The following PARD3B variants were observed in gnomAD, a reference collection of about 807,000 sequenced individuals.
PARD3B encodes par-3 family cell polarity regulator beta.
A neutral mutation model predicts 130.2 loss-of-function variants in PARD3B; 103 were observed. The ratio of observed to expected loss-of-function variants is 0.79; its 90% CI spans 0.67 to 0.93. The LOEUF is 0.93. PARD3B is among the 40% of genes least tolerant of loss of function. The pLI is 0.00. For missense variants in PARD3B, 1,609 were observed against 1,499.2 expected, an observed-to-expected ratio of 1.07 and a Z score of -1.21; for synonymous variants, 583 against 553.2, an observed-to-expected ratio of 1.05 and a Z score of -0.76.
rs186170426 is a variant in PARD3B at position 204,622,680 on chromosome 2, A to G, written c.121-63501A>G. 1.7e-3 allele frequency among the ~76,000 whole-genome samples: 258 copies of G among 152,218 alleles called. 1 individual carries two copies. Among genetic ancestry groups the G allele is most frequent in the African/African-American group, 5.9e-3 (246 of 41,548 alleles). ...TGCTATTATTATTTTTATGGATGAT[A>G]AAACAGTCATAAGAGGGTAAGTAAC... On this transcript the variant is annotated intron_variant, in intron 1 of 22. Coordinates refer to ENST00000406610, the MANE Select transcript of PARD3B (RefSeq NM_001302769.2).
chr2:204,562,116 A>G (rs906813789), intron 1 of PARD3B, among the ~76,000 whole-genome samples: 4 of 152,280 alleles, frequency 2.6e-5, no homozygotes, highest in South Asian at 4.2e-4. Context: ...AAGTTTCAGG[A>G]GAGTACTTAC....
chr2:205,207,718 G>A (rs1468384332), intron 15 of PARD3B, among the ~76,000 whole-genome samples: 23 of 132,786 alleles, frequency 1.7e-4, no homozygotes, highest in African/African-American at 5.2e-4. Context: ...AAATTGTGGC[G>A]ATAATCAATA....
intron 16 of PARD3B, among the ~76,000 whole-genome samples, chr2:205,279,667 T>G (rs566232775): frequency 1.3e-5 from 2 of 152,246 alleles, no homozygotes; most frequent in South Asian, 4.2e-4. Context: ...TTCTTCTGAG[T>G]CACGTCATGG....
chr2:205,562,398 A>G lies in PARD3B; in HGVS notation c.3260+8995A>G, dbSNP rs1385396372. On this transcript the variant is annotated intron_variant, in intron 22 of 22. Coordinates refer to ENST00000406610, the MANE Select transcript of PARD3B (RefSeq NM_001302769.2). This position sits in a 1 kb window ranked among gnomAD's most constrained non-coding sequence, Gnocchi z 5.4. Reference sequence around the variant, plus strand: ...TGATGAACCACATACATTAAATTCTATAGGTTTTTTACTTTTTCCCTCATT... The same window carrying G: ...TGATGAACCACATACATTAAATTCTGTAGGTTTTTTACTTTTTCCCTCATT... Among the ~76,000 whole-genome samples, 1 of 152,214 alleles carries G rather than the reference A, an allele frequency of 6.6e-6. No individual in the cohort carries two copies. Among genetic ancestry groups the G allele is most frequent in the African/African-American group, 2.4e-5 (1 of 41,460 alleles).
At chr2:205,040,682 T>A (rs187896878) in intron 3 of PARD3B, among the ~76,000 whole-genome samples, 1 of 152,194 alleles carries the variant, frequency 6.6e-6, no homozygotes, top group Non-Finnish European at 1.5e-5. Context: ...GCAAGAACTT[T>A]AGCCACTTGC....
intron 18 of PARD3B, among the ~76,000 whole-genome samples, chr2:205,357,780 G>T (rs2044248838): frequency 6.6e-6 from 1 of 152,160 alleles, no homozygotes; most frequent in African/African-American, 2.4e-5. Flanking sequence ...AAAGACTATG[G>T]CTTAATGTTT....
intron 1 of PARD3B, among the ~76,000 whole-genome samples, chr2:204,637,983 C>T (rs2034945602): frequency 6.6e-6 from 1 of 152,114 alleles, no homozygotes; most frequent in Non-Finnish European, 1.5e-5. Flanking sequence ...TTTCTACTTT[C>T]TTACGGCATT....
rs193075059 is a variant in PARD3B, at chr2:205,517,229, G to T, written c.3180+17198G>T. ...AAGGATATTGGCTTTAAGCTTTGTT[G>T]TTGTTGTGTCTCTGCCTAGTTTTAG... On this transcript the variant is annotated intron_variant, in intron 21 of 22. Transcript: ENST00000406610. 3.4e-3 allele frequency among the ~76,000 whole-genome samples: 511 copies of T among 152,092 alleles called. 7 individuals are homozygous for T. The highest frequency in any genetic ancestry group is 4.9e-3 in the Non-Finnish European group (331 of 67,924).
At chr2:205,302,012 AG>A in intron 18 of PARD3B, 1 of 630,514 alleles carries the variant, frequency 1.6e-6, no homozygotes, top group Non-Finnish European at 2.8e-6. Flanking sequence ...CAAGAGTTCA[AG>A]ACCAGCCTGG....
At chr2:204,550,764 A>G (rs2030399510) in intron 1 of PARD3B, among the ~76,000 whole-genome samples, 1 of 152,216 alleles carries the variant, frequency 6.6e-6, no homozygotes, top group Non-Finnish European at 1.5e-5. Context: ...TAACAATTCC[A>G]TTCCCTGATT....
chr2:205,073,395 G>T (rs1285794487), intron 4 of PARD3B, among the ~76,000 whole-genome samples: 1 of 152,056 alleles, frequency 6.6e-6, no homozygotes, highest in Non-Finnish European at 1.5e-5. Flanking sequence ...TGTCTTATTT[G>T]CTTTGAAGTA....
At chr2:204,703,639 G>A (rs1170556154) in intron 2 of PARD3B, among the ~76,000 whole-genome samples, 1 of 152,108 alleles carries the variant, frequency 6.6e-6, no homozygotes, top group Admixed American at 6.6e-5. Context: ...TAGGTTAAAA[G>A]TTCAGAACTC....
At chr2:205,001,834 A>G (rs1694860675) in intron 3 of PARD3B, among the ~76,000 whole-genome samples, 2 of 152,224 alleles carry the variant, frequency 1.3e-5, no homozygotes, top group South Asian at 4.1e-4. Flanking sequence ...TGACAACAGT[A>G]GAGAGCAGCT....
intron 21 of PARD3B, among the ~76,000 whole-genome samples, chr2:205,509,700 GCTA>G (rs1421694620): frequency 6.6e-6 from 1 of 152,212 alleles, no homozygotes; most frequent in African/African-American, 2.4e-5. Flanking sequence ...ATGCTCTGTT[GCTA>G]CTACACTAGC....
At chr2:204,555,722 G>T (rs1439951426) in intron 1 of PARD3B, among the ~76,000 whole-genome samples, 1 of 152,144 alleles carries the variant, frequency 6.6e-6, no homozygotes, top group Non-Finnish European at 1.5e-5. Context: ...CAGTCACACT[G>T]ATCGCTTGTC....
chr2:205,158,972 G>C lies in PARD3B; in HGVS notation c.1620+65G>C. 1 of 1,543,952 alleles carries C rather than the reference G, an allele frequency of 6.5e-7. No individual in the cohort carries two copies. Among genetic ancestry groups the C allele is most frequent in the Non-Finnish European group, 8.9e-7 (1 of 1,126,024 alleles). Reference sequence around the variant, plus strand: ...CTTGGAGATGTGACTGTTGTACTTAGAGACTGAATGGAGAAAGTGTCTGAA... The same window carrying C: ...CTTGGAGATGTGACTGTTGTACTTACAGACTGAATGGAGAAAGTGTCTGAA... On this transcript the variant is annotated intron_variant, in intron 11 of 22. Transcript: ENST00000406610. The surrounding 1 kb of genome is among the most constrained non-coding windows in gnomAD (Gnocchi z 5.4).
intron 18 of PARD3B, among the ~76,000 whole-genome samples, chr2:205,398,810 CAT>C (rs142705761): frequency 0.026 from 3,898 of 152,160 alleles, 150 homozygotes; most frequent in African/African-American, 0.09. Flanking sequence ...AAGACAGAAA[CAT>C]GTGCTTGTTT....
chr2:204,695,534 T>G (rs2125263561), intron 2 of PARD3B, among the ~76,000 whole-genome samples: 1 of 152,092 alleles, frequency 6.6e-6, no homozygotes, highest in South Asian at 2.1e-4. Flanking sequence ...TGAATGTAGG[T>G]TTTTCTTATT....
chr2:205,095,213 T>A (rs1328977410), intron 4 of PARD3B, among the ~76,000 whole-genome samples: 5 of 152,164 alleles, frequency 3.3e-5, no homozygotes, highest in Non-Finnish European at 7.4e-5. Flanking sequence ...TTTTAATATA[T>A]TTAATGATAT....
Sources: allele counts gnomAD v4.1 joint callset (sites outside exome capture counted in the v4.1 genomes callset), GRCh38; gene constraint gnomAD v4.1.1; non-coding constraint Gnocchi (gnomAD v3.1); transcripts MANE v1.5; gene names NCBI Gene and HGNC (gene_info 2026-07-23, HGNC 2026-07-21).